Variants in MTMR3 observed in about 807,000 individuals in gnomAD.
The protein encoded by MTMR3 is phosphatidylinositol-3,5-bisphosphate 3-phosphatase MTMR3.
MTMR3 carries 32 observed loss-of-function variants against 132.4 expected under a neutral mutation model. The ratio of observed to expected loss-of-function variants is 0.24; its 90% CI spans 0.18 to 0.32. The LOEUF is 0.32. MTMR3 is among the 10% of genes least tolerant of loss of function. The probability of loss-of-function intolerance (pLI) is 1.00; values close to 1 mark genes in which losing one functional copy is unlikely to be tolerated. For missense variants in MTMR3, 1,216 were observed against 1,489.6 expected, an observed-to-expected ratio of 0.82 and a Z score of 3.02; for synonymous variants, 556 against 550.3, an observed-to-expected ratio of 1.01 and a Z score of -0.14.
chr22:29,965,992 G>A (rs2066407890), intron 2 of MTMR3, among the ~76,000 whole-genome samples: 1 of 151,964 alleles, frequency 6.6e-6, no homozygotes, highest in Admixed American at 6.5e-5. Context: ...GAGGTTTTGA[G>A]GTAGAATTGC....
In MTMR3 at chr22:29,908,594, AATTG is replaced by A. The variant is rs568084572; in HGVS notation, c.-138+25240_-138+25243del. Among the ~76,000 whole-genome samples, 171 of 152,330 alleles carry A rather than the reference AATTG, an allele frequency of 1.1e-3. 1 individual carries two copies. Among genetic ancestry groups the A allele is most frequent in the Non-Finnish European group, 2.2e-3 (152 of 68,024 alleles). On this transcript the variant is annotated intron_variant, in intron 1 of 19. Coordinates refer to ENST00000401950, the MANE Select transcript of MTMR3 (RefSeq NM_021090.4). ...AAATTAATCTTTTATCAGTACCACA[AATTG>A]ATTGTTGGCCCTTTGCGGAAATAGC...
At chr22:29,988,807 A>G (rs2098289044) in intron 6 of MTMR3, 1 of 264,366 alleles carries the variant, frequency 3.8e-6, no homozygotes, top group South Asian at 6.9e-5. Flanking sequence ...TAAAAATACT[A>G]AAAAGAACAT....
chr22:29,907,786 A>G (rs1406757977), intron 1 of MTMR3, among the ~76,000 whole-genome samples: 2 of 151,954 alleles, frequency 1.3e-5, no homozygotes, highest in East Asian at 1.9e-4. Context: ...GTGTATCTGT[A>G]TCTTTTTTTT....
intron 1 of MTMR3, among the ~76,000 whole-genome samples, chr22:29,914,441 T>G (rs367615254): frequency 1.3e-5 from 2 of 152,214 alleles, no homozygotes; most frequent in African/African-American, 4.8e-5. Flanking sequence ...TAAAATAGGT[T>G]GTTTTTTGTT....
At chr22:29,935,555 C>T (rs563196593) in intron 1 of MTMR3, among the ~76,000 whole-genome samples, 2 of 152,200 alleles carry the variant, frequency 1.3e-5, no homozygotes, top group South Asian at 2.1e-4. Flanking sequence ...CAGAGTAAAA[C>T]GAGACGTCAT....
At chr22:29,908,132 C>T (rs1185190247) in intron 1 of MTMR3, among the ~76,000 whole-genome samples, 1 of 152,010 alleles carries the variant, frequency 6.6e-6, no homozygotes, top group Non-Finnish European at 1.5e-5. Context: ...CTTGTAAAAC[C>T]TGGGGGTGGG....
At chr22:30,018,133 C>G in intron 16 of MTMR3, 61 bp downstream of exon 16, 1 of 1,507,730 alleles carries the variant, frequency 6.6e-7, no homozygotes, top group Non-Finnish European at 8.9e-7. Context: ...TGTGTTGGGA[C>G]GTGTGCAGGG....
At chr22:30,003,644 A>C (rs574674624) in intron 9 of MTMR3, 2 of 152,210 alleles carry the variant, frequency 1.3e-5, no homozygotes, top group Non-Finnish European at 2.9e-5. Flanking sequence ...GTCTGTTCCT[A>C]ATGAATACAA....
At chr22:29,935,742 CT>C (rs35840801) in intron 1 of MTMR3, among the ~76,000 whole-genome samples, 40 of 125,828 alleles carry the variant, frequency 3.2e-4, no homozygotes, top group Middle Eastern at 4.5e-3. Context: ...TCCATGCCCA[CT>C]TTTTTTTTTT....
rs373280513 is a variant in MTMR3, at chr22:30,022,629, C to T, written c.3357C>T (p.Asp1119=). ...QDTEMTRWLP[D]HLAAHCYACD... ...TGCAGATGACCCGTTGGCTTCCTGACCACCTGGCCGCCCACTGCTATGCGT... is the reference window on the plus strand; with the variant it reads ...TGCAGATGACCCGTTGGCTTCCTGATCACCTGGCCGCCCACTGCTATGCGT... Residue 1119 remains aspartate (D), a synonymous_variant, in exon 19 of 20, where the codon GAC becomes GAT. Coordinates refer to ENST00000401950, the MANE Select transcript of MTMR3 (RefSeq NM_021090.4). 54 of 1,612,932 alleles carry T rather than the reference C, an allele frequency of 3.3e-5. No individual in the cohort carries two copies. The highest frequency in any genetic ancestry group is 4.5e-5 in the Non-Finnish European group (53 of 1,180,032).
rs1009020948 is a variant in MTMR3 at position 29,954,166 on chromosome 22, C to T, written c.-137-2870C>T. On this transcript the variant is annotated intron_variant, in intron 1 of 19. Transcript: ENST00000401950. ...TTGTAATCATAGCTCGCTGCAACCTCGGACTCCTGGGCTCAAGCAACCCTC... is the reference window on the plus strand; with the variant it reads ...TTGTAATCATAGCTCGCTGCAACCTTGGACTCCTGGGCTCAAGCAACCCTC... Among the ~76,000 whole-genome samples the T allele has an allele frequency of 2.0e-5, 3 of 148,480 alleles. 1 individual carries two copies. The highest frequency in any genetic ancestry group is 4.3e-4 in the South Asian group (2 of 4,616).
intron 1 of MTMR3, among the ~76,000 whole-genome samples, chr22:29,893,669 A>G (rs1044994537): frequency 2.0e-5 from 3 of 151,996 alleles, no homozygotes; most frequent in Non-Finnish European, 2.9e-5. Flanking sequence ...TGGTAAATGA[A>G]CTAAGACACT....
At chr22:30,018,158 T>C in intron 16 of MTMR3, 86 bp downstream of exon 16, 3 of 1,368,646 alleles carry the variant, frequency 2.2e-6, no homozygotes, top group Non-Finnish European at 2.9e-6. Context: ...TCAGAGATCA[T>C]GATGGTATCT....
intron 3 of MTMR3, among the ~76,000 whole-genome samples, chr22:29,977,311 T>C (rs1019774980): frequency 6.6e-6 from 1 of 152,138 alleles, no homozygotes; most frequent in African/African-American, 2.4e-5. Flanking sequence ...AAGTGCTGTG[T>C]AAACAGATTC....
intron 1 of MTMR3, among the ~76,000 whole-genome samples, chr22:29,887,929 G>C (rs1173652232): frequency 6.6e-6 from 1 of 152,170 alleles, no homozygotes; most frequent in Non-Finnish European, 1.5e-5. Flanking sequence ...TATTCAGAAT[G>C]ATTCTGTTAC....
At chr22:29,891,337 G>A (rs977497029) in intron 1 of MTMR3, among the ~76,000 whole-genome samples, 54 of 149,762 alleles carry the variant, frequency 3.6e-4, no homozygotes, top group South Asian at 2.1e-4. Flanking sequence ...GTGTGTGTGT[G>A]TATATATTTA....
chr22:29,998,349 T>G (rs1363078116), intron 7 of MTMR3: 1 of 152,594 alleles, frequency 6.6e-6, no homozygotes, highest in Non-Finnish European at 1.5e-5. Context: ...TTCTTACCTT[T>G]AAAAATACAC....
At chr22:29,892,543 T>A (rs1230562480) in intron 1 of MTMR3, among the ~76,000 whole-genome samples, 39 of 152,198 alleles carry the variant, frequency 2.6e-4, no homozygotes, top group Admixed American at 2.6e-3. Flanking sequence ...CCATGATGAT[T>A]CTTAGATTAA....
In MTMR3 at chr22:30,025,793, T is replaced by G. The variant is rs1435376830; in HGVS notation, c.3589T>G (p.Ser1197Ala). Residue 1197 changes from serine to alanine, a missense_variant, in exon 20 of 20, where the codon TCC becomes GCC. Transcript: ENST00000401950. ...ACTGGATAAGCCCATTGCTGCCACTTCCAACTGAAGCTCAGTGACCTGGGT... is the reference window on the plus strand; with the variant it reads ...ACTGGATAAGCCCATTGCTGCCACTGCCAACTGAAGCTCAGTGACCTGGGT... Reference protein sequence around the residue: ...LELDKPIAATSN With the variant: ...LELDKPIAATAN 1.9e-6 allele frequency: 3 copies of G among 1,613,996 alleles called. No individual in the cohort carries two copies. The highest frequency in any genetic ancestry group is 1.7e-6 in the Non-Finnish European group (2 of 1,180,018).
Sources: gnomAD v4.1 joint callset for allele counts (sites outside exome capture counted in the v4.1 genomes callset) on GRCh38, gnomAD v4.1.1 for gene constraint, MANE v1.5 for transcripts, NCBI Gene and HGNC (gene_info 2026-07-23, HGNC 2026-07-21) for gene names.